BBS9: variants seen among roughly 807,000 people sequenced by gnomAD.
The protein encoded by BBS9 is protein PTHB1.
A neutral mutation model predicts 117.7 loss-of-function variants in BBS9; 89 were observed. The observed-to-expected ratio is 0.76, with a 90% CI of 0.64 to 0.90. BBS9 has a LOEUF of 0.90. BBS9 is among the 40% of genes least tolerant of loss of function. The pLI is 0.00. For synonymous variants in BBS9, 379 were observed against 370.9 expected (o/e 1.02, Z -0.25); for missense variants, 982 against 1,042.2 (o/e 0.94, Z 0.80).
chr7:33,188,032 G>T (rs1783416675), intron 5 of BBS9, among the ~76,000 whole-genome samples: 1 of 150,594 alleles, frequency 6.6e-6, no homozygotes, highest in African/African-American at 2.4e-5. Flanking sequence ...AGATGAATAT[G>T]TGCAAAACGA....
chr7:33,167,477 A>G (rs574470521), intron 4 of BBS9, among the ~76,000 whole-genome samples: 2 of 148,668 alleles, frequency 1.3e-5, no homozygotes, highest in Non-Finnish European at 3.0e-5. Context: ...ATCTCAGCTC[A>G]TTGCAACCTC....
chr7:33,312,550 G>C (rs1292022080), intron 9 of BBS9, among the ~76,000 whole-genome samples: 1 of 152,138 alleles, frequency 6.6e-6, no homozygotes, highest in Admixed American at 6.5e-5. Flanking sequence ...CATTGGTAGT[G>C]GGGTAAGGCC....
intron 19 of BBS9, among the ~76,000 whole-genome samples, chr7:33,488,932 A>G (rs1038120226): frequency 3.3e-5 from 5 of 151,880 alleles, no homozygotes; most frequent in Non-Finnish European, 7.4e-5. Context: ...GGTGATTGAT[A>G]ATAGCTGTAA....
chr7:33,303,717 C>A (rs990738207), intron 9 of BBS9, among the ~76,000 whole-genome samples: 1 of 152,020 alleles, frequency 6.6e-6, no homozygotes, highest in African/African-American at 2.4e-5. Context: ...CCGTGTTGAC[C>A]GGGCTGGTCT....
intron 9 of BBS9, among the ~76,000 whole-genome samples, chr7:33,326,991 G>T (rs966803004): frequency 2.6e-5 from 4 of 152,028 alleles, no homozygotes; most frequent in Non-Finnish European, 5.9e-5. Context: ...GCCCAATCTG[G>T]TGTCTTATTA....
At chr7:33,273,569 A>G (rs1380048894) in intron 8 of BBS9, among the ~76,000 whole-genome samples, 1 of 152,220 alleles carries the variant, frequency 6.6e-6, no homozygotes, top group African/African-American at 2.4e-5. Flanking sequence ...TAAATGTGTT[A>G]CATATTAATG....
At chr7:33,169,903 TG>T (rs1562724354) in intron 4 of BBS9, among the ~76,000 whole-genome samples, 1 of 151,892 alleles carries the variant, frequency 6.6e-6, no homozygotes. Context: ...ATGTTCTGAA[TG>T]GTAATGCCTA....
intron 20 of BBS9, among the ~76,000 whole-genome samples, chr7:33,510,068 G>A (rs1846711558): frequency 6.6e-6 from 1 of 152,104 alleles, no homozygotes; most frequent in African/African-American, 2.4e-5. Flanking sequence ...AGAACATTAA[G>A]TATTCTATTT....
At chr7:33,575,943 A>C (rs1858771335) in intron 21 of BBS9, among the ~76,000 whole-genome samples, 1 of 152,224 alleles carries the variant, frequency 6.6e-6, no homozygotes, top group African/African-American at 2.4e-5. Context: ...TCCCACAGCC[A>C]GTATCATACT....
chr7:33,322,482 C>G (rs1811943036), intron 9 of BBS9, among the ~76,000 whole-genome samples: 2 of 146,238 alleles, frequency 1.4e-5, no homozygotes, highest in Non-Finnish European at 3.0e-5. Flanking sequence ...TTGTATGTGT[C>G]TAGGAATTTA....
At chr7:33,440,857 T>G (rs1205102495) in intron 19 of BBS9, among the ~76,000 whole-genome samples, 1 of 152,162 alleles carries the variant, frequency 6.6e-6, no homozygotes. Flanking sequence ...TAAATGGGCA[T>G]GATCAACAGC....
At chr7:33,280,917 T>G (rs1003514047) in intron 9 of BBS9, among the ~76,000 whole-genome samples, 2 of 146,926 alleles carry the variant, frequency 1.4e-5, no homozygotes, top group Non-Finnish European at 3.0e-5. Flanking sequence ...TTTTGTTTTT[T>G]TTTTTTTTTT....
rs562040705 is a variant in BBS9 at position 33,540,473 on chromosome 7, A to G, written c.2521+6297A>G. Among the ~76,000 whole-genome samples the G allele has an allele frequency of 5.1e-4, 77 of 152,294 alleles. 2 individuals carry two copies. The Middle Eastern group carries it at 0.01, about 20-fold the overall frequency. ...AGAATATAAACCAAGGTGTGTATTA[A>G]TGATAACTATCCCTGCGTGTTAGAA... On this transcript the variant is annotated intron_variant, in intron 21 of 22. Transcript: ENST00000242067.
intron 9 of BBS9, among the ~76,000 whole-genome samples, chr7:33,283,339 A>G (rs755336761): frequency 5.3e-5 from 8 of 152,040 alleles, no homozygotes; most frequent in Non-Finnish European, 1.0e-4. Context: ...TTCTGTCTGG[A>G]TGCTCGTCTG....
At chr7:33,205,629 T>C (rs1490093360) in intron 5 of BBS9, among the ~76,000 whole-genome samples, 1 of 152,184 alleles carries the variant, frequency 6.6e-6, no homozygotes, top group Non-Finnish European at 1.5e-5. Flanking sequence ...TCATTGGTTA[T>C]GGGGAACTCC....
chr7:33,605,634 A>G lies in BBS9; in HGVS notation c.*408A>G, dbSNP rs1329813040. On this transcript the variant is annotated 3_prime_UTR_variant, in exon 23 of 23. Transcript: ENST00000242067. The stretch of plus-strand genomic sequence containing the variant: ...ATAAAGCATCTCATTGTCAAATAAT[A>G]TCTTGGATTTTATTTATAATTAGAG... The G allele has an allele frequency of 4.4e-6, 1 of 228,742 alleles. No homozygotes were observed. The highest frequency in any genetic ancestry group is 2.3e-5 in the African/African-American group (1 of 43,692). The allele number at this position is 228,742 out of a possible 1,614,324, so 14.2% of individuals were successfully genotyped here.
intron 21 of BBS9, among the ~76,000 whole-genome samples, chr7:33,558,205 C>T (rs1162244452): frequency 6.6e-6 from 1 of 152,090 alleles, no homozygotes; most frequent in African/African-American, 2.4e-5. Flanking sequence ...CGTAAAGTAT[C>T]CATCCTAGTG....
At chr7:33,351,798 C>G (rs916893295) in intron 14 of BBS9, 8 of 223,622 alleles carry the variant, frequency 3.6e-5, no homozygotes, top group Non-Finnish European at 6.3e-5. Flanking sequence ...CTGATGAGGC[C>G]AGGCTCCTCC....
chr7:33,239,815 G>A (rs1259627090), intron 5 of BBS9, among the ~76,000 whole-genome samples: 1 of 151,986 alleles, frequency 6.6e-6, no homozygotes, highest in African/African-American at 2.4e-5. Flanking sequence ...TTCAAGACCA[G>A]CCTGAGCAAT....
Sources: gnomAD v4.1 joint callset for allele counts (sites outside exome capture counted in the v4.1 genomes callset) on GRCh38, gnomAD v4.1.1 for gene constraint, MANE v1.5 for transcripts, NCBI Gene and HGNC (gene_info 2026-07-23, HGNC 2026-07-21) for gene names.